RORA: variants seen among roughly 807,000 people sequenced by gnomAD.
RORA encodes the protein nuclear receptor ROR-alpha.
In RORA, 7 loss-of-function variants were observed where a neutral mutation model predicts 69.5. The ratio of observed to expected loss-of-function variants is 0.10; its 90% CI spans 0.06 to 0.19. The LOEUF (loss-of-function observed/expected upper bound fraction) is 0.19. RORA is among the 10% of genes least tolerant of loss of function. The pLI is 1.00. For synonymous variants in RORA, 261 were observed against 240.8 expected (o/e 1.08, Z -0.78); for missense variants, 457 against 663.0 (o/e 0.69, Z 3.41).
At chr15:60,957,388 G>A (rs746136144) in intron 1 of RORA, among the ~76,000 whole-genome samples, 7 of 152,190 alleles carry the variant, frequency 4.6e-5, no homozygotes, top group Non-Finnish European at 8.8e-5. Context: ...TCATCCTTCA[G>A]CATGGAAGAA....
At chr15:60,502,699 TC>T in intron 8 of RORA, 60 bp downstream of exon 8, 1 of 1,036,420 alleles carries the variant, frequency 9.6e-7, no homozygotes, top group Non-Finnish European at 1.5e-6. Context: ...GAGCTTTCAC[TC>T]AACCCGCATC....
chr15:60,660,610 C>T (rs968229436), intron 2 of RORA, among the ~76,000 whole-genome samples: 8 of 152,170 alleles, frequency 5.3e-5, no homozygotes, highest in Non-Finnish European at 7.4e-5. Context: ...CTGTCAACTC[C>T]GACTTTTGGG....
chr15:60,966,841 C>T (rs984634011), intron 1 of RORA, among the ~76,000 whole-genome samples: 1 of 152,184 alleles, frequency 6.6e-6, no homozygotes, highest in African/African-American at 2.4e-5. Context: ...GAAGTCGGTC[C>T]AGCTCAGCAC....
At chr15:60,815,075 C>T (rs916718793) in intron 1 of RORA, among the ~76,000 whole-genome samples, 19 of 152,172 alleles carry the variant, frequency 1.2e-4, no homozygotes, top group Admixed American at 6.5e-5. Flanking sequence ...AGGAAGTCAA[C>T]TAATCCAACT....
chr15:60,686,049 T>G (rs936328099), intron 1 of RORA, among the ~76,000 whole-genome samples: 1 of 152,172 alleles, frequency 6.6e-6, no homozygotes, highest in Admixed American at 6.5e-5. Flanking sequence ...GAATTTTTCC[T>G]GTTTTTTGAA....
intron 1 of RORA, among the ~76,000 whole-genome samples, chr15:60,822,982 CTTCCT>C (rs1281630646): frequency 2.7e-5 from 4 of 150,722 alleles, no homozygotes; most frequent in Non-Finnish European, 4.4e-5. Context: ...CCCATCTTTC[CTTCCT>C]TTCTTCTTTT....
Position 61,110,976 on chromosome 15 carries a change from C to T in RORA, c.166+118077G>A, listed in dbSNP as rs572919660. On this transcript the variant is annotated intron_variant, in intron 1 of 10. Coordinates refer to ENST00000335670, the MANE Select transcript of RORA (RefSeq NM_134261.3). ...CTTGTGTCTTGTTTCCTTCTGTATT[C>T]CTGCTCCACACATAGGAGACTTCCA... Among the ~76,000 whole-genome samples the T allele has an allele frequency of 7.5e-4, 114 of 152,226 alleles. 1 individual carries two copies. The highest frequency in any genetic ancestry group is 1.9e-3 in the African/African-American group (81 of 41,544).
At chr15:60,860,164 A>T (rs555406808) in intron 1 of RORA, among the ~76,000 whole-genome samples, 49 of 152,326 alleles carry the variant, frequency 3.2e-4, no homozygotes, top group African/African-American at 1.2e-3. Flanking sequence ...TTGAGATCAG[A>T]TGAGTCAAGT....
At chr15:60,603,173 A>T (rs2068859687) in intron 2 of RORA, among the ~76,000 whole-genome samples, 1 of 152,226 alleles carries the variant, frequency 6.6e-6, no homozygotes, top group Non-Finnish European at 1.5e-5. Flanking sequence ...ATTGAAGGAC[A>T]GTTGGGTTGT....
intron 1 of RORA, among the ~76,000 whole-genome samples, chr15:61,009,972 C>T (rs1047639292): frequency 1.3e-5 from 2 of 152,112 alleles, no homozygotes; most frequent in African/African-American, 4.8e-5. Context: ...ATGAAAAACA[C>T]AACTAATAAA....
chr15:60,508,932 A>G (rs1434850617), intron 5 of RORA, among the ~76,000 whole-genome samples: 1 of 152,220 alleles, frequency 6.6e-6, no homozygotes, highest in Non-Finnish European at 1.5e-5. Flanking sequence ...CTAGCCAAGG[A>G]TGAAGTCATA....
At chr15:61,099,714 T>G (rs2078849448) in intron 1 of RORA, among the ~76,000 whole-genome samples, 1 of 152,270 alleles carries the variant, frequency 6.6e-6, no homozygotes, top group African/African-American at 2.4e-5. Context: ...TTCATTCCAT[T>G]TTTAATGGCA....
chr15:60,732,964 G>A (rs1032767306), intron 1 of RORA, among the ~76,000 whole-genome samples: 7 of 152,060 alleles, frequency 4.6e-5, no homozygotes, highest in East Asian at 1.9e-4. Flanking sequence ...AGAAATCTCC[G>A]TCTTTGAAAG....
chr15:60,982,697 G>A (rs1177869070), intron 1 of RORA, among the ~76,000 whole-genome samples: 1 of 152,188 alleles, frequency 6.6e-6, no homozygotes, highest in African/African-American at 2.4e-5. Context: ...ATTCAGATAA[G>A]TTAAGACACC....
chr15:61,035,910 C>T (rs903939921), intron 1 of RORA, among the ~76,000 whole-genome samples: 1 of 152,006 alleles, frequency 6.6e-6, no homozygotes, highest in Non-Finnish European at 1.5e-5. Context: ...GCAGAAAATA[C>T]ACAAATAAAC....
At chr15:60,769,224 T>C (rs2072035565) in intron 1 of RORA, among the ~76,000 whole-genome samples, 1 of 152,192 alleles carries the variant, frequency 6.6e-6, no homozygotes, top group African/African-American at 2.4e-5. Context: ...AATCTTTAAT[T>C]GAGTTAGAAT....
chr15:60,883,064 G>A (rs2073704091), intron 1 of RORA, among the ~76,000 whole-genome samples: 1 of 141,660 alleles, frequency 7.1e-6, no homozygotes, highest in African/African-American at 2.6e-5. Flanking sequence ...CTGGGAGGTG[G>A]AAGCTGCAGT....
At chr15:61,169,265 C>T (rs1217599028) in intron 1 of RORA, among the ~76,000 whole-genome samples, 3 of 149,488 alleles carry the variant, frequency 2.0e-5, no homozygotes, top group African/African-American at 7.4e-5. Flanking sequence ...GCCCTGTACA[C>T]AGCTTGGAAA....
At chr15:60,745,997 T>C (rs1314536717) in intron 1 of RORA, among the ~76,000 whole-genome samples, 1 of 152,190 alleles carries the variant, frequency 6.6e-6, no homozygotes, top group Non-Finnish European at 1.5e-5. Context: ...GAAAAAAATA[T>C]CTGGAAGGCT....
Sources: allele counts gnomAD v4.1 joint callset (sites outside exome capture counted in the v4.1 genomes callset), GRCh38; gene constraint gnomAD v4.1.1; transcripts MANE v1.5; gene names NCBI Gene and HGNC (gene_info 2026-07-23, HGNC 2026-07-21).